The following PDK1 variants were observed in gnomAD, a reference collection of about 807,000 sequenced individuals.
PDK1 encodes the protein [Pyruvate dehydrogenase (acetyl-transferring)] kinase isozyme 1, mitochondrial.
In PDK1, 39 loss-of-function variants were observed where a neutral mutation model predicts 54.2. That is an observed-to-expected ratio of 0.72 (90% CI 0.56 to 0.94). PDK1 has a LOEUF of 0.94. Among genes scored for constraint, PDK1 ranks in the 40% least tolerant of loss-of-function variants. PDK1 has a pLI of 0.00. For synonymous variants in PDK1, 221 were observed against 207.1 expected (o/e 1.07, Z -0.58); for missense variants, 552 against 566.0 (o/e 0.98, Z 0.25).
the PDK1 span, among the ~76,000 whole-genome samples, chr2:172,721,387 C>T: frequency 4.6e-5 from 7 of 152,178 alleles, no homozygotes. Context: ...GTTGGCCAGG[C>T]TGGAGTGCAG....
chr2:172,646,966 A>T, the PDK1 span, among the ~76,000 whole-genome samples: 1 of 151,872 alleles, frequency 6.6e-6, no homozygotes, highest in East Asian at 1.9e-4. Context: ...GAAACTCCTG[A>T]CCTCAGGTGA....
At position 172,601,248 on chromosome 2, in the gene PDK1, A is replaced by G. The variant is rs967194874; in HGVS notation, c.*5279A>G. 2.0e-5 allele frequency: 3 copies of G among 152,214 alleles called. No homozygotes were observed. The allele number at this position is 152,214 out of a possible 1,614,324, so 9.4% of individuals were successfully genotyped here. On this transcript the variant is annotated 3_prime_UTR_variant, in exon 11 of 11. Coordinates refer to ENST00000282077, the MANE Select transcript of PDK1 (RefSeq NM_002610.5). ...AGTGCAAAACTAGCAAAAGGATGAA[A>G]TACACAAGAAAATGAGAGAATTTAA... is the stretch of plus-strand genomic sequence containing the variant.
At chr2:172,645,067 T>A in the PDK1 span, among the ~76,000 whole-genome samples, 1 of 151,944 alleles carries the variant, frequency 6.6e-6, no homozygotes. Context: ...ATGGTTAAAT[T>A]TTCAGGATTT....
At chr2:172,560,125 A>T (rs1558924656) in intron 2 of PDK1, among the ~76,000 whole-genome samples, 1 of 152,254 alleles carries the variant, frequency 6.6e-6, no homozygotes, top group African/African-American at 2.4e-5. Context: ...GATTATGGGC[A>T]TGAGCCATTG....
chr2:172,590,730 G>A (rs1400169876), intron 9 of PDK1, among the ~76,000 whole-genome samples: 2 of 151,946 alleles, frequency 1.3e-5, no homozygotes, highest in Non-Finnish European at 2.9e-5. Flanking sequence ...GGGGTGGCCA[G>A]CTTTTATTCC....
At chr2:172,579,704 CT>C (rs11303240) in intron 8 of PDK1, among the ~76,000 whole-genome samples, 28,767 of 145,386 alleles carry the variant, frequency 0.2, 3,498 homozygotes, top group African/African-American at 0.35. Context: ...GAGTTTTTAA[CT>C]TTTTTTTTTT....
chr2:172,593,742 G>A (rs1009973428), intron 10 of PDK1, among the ~76,000 whole-genome samples: 7 of 152,128 alleles, frequency 4.6e-5, no homozygotes, highest in African/African-American at 1.7e-4. Context: ...GAAGCACTTA[G>A]TCTGCTTGCC....
Position 172,596,074 on chromosome 2 carries a change from C to G in PDK1, c.*105C>G. The G allele has an allele frequency of 1.0e-6, 1 of 975,684 alleles. No homozygotes were observed. Among genetic ancestry groups the G allele is most frequent in the South Asian group, 2.2e-5 (1 of 44,836 alleles). The allele number at this position is 975,684 out of a possible 1,614,324, so 60.4% of individuals were successfully genotyped here. A position where few individuals can be genotyped will look rare whatever the true frequency, so the allele number is the denominator to read the frequency against. On this transcript the variant is annotated 3_prime_UTR_variant, in exon 11 of 11. Transcript: ENST00000282077. ...CCAAGTACTTTATTTATCGTTTTCA[C>G]AAAACTATTTGAGTAGAATAAATGG...
chr2:172,573,545 A>G (rs1051173591), intron 8 of PDK1, among the ~76,000 whole-genome samples: 2 of 151,456 alleles, frequency 1.3e-5, no homozygotes, highest in Non-Finnish European at 2.9e-5. Context: ...ATATACATAC[A>G]TATGTGTATA....
At chr2:172,708,667 A>AT in the PDK1 span, among the ~76,000 whole-genome samples, 9 of 152,176 alleles carry the variant, frequency 5.9e-5, no homozygotes, top group Non-Finnish European at 8.8e-5. Context: ...TGGACTTCAG[A>AT]TTTTTTTGAT....
the PDK1 span, among the ~76,000 whole-genome samples, chr2:172,629,210 G>A: frequency 6.6e-6 from 1 of 152,130 alleles, no homozygotes; most frequent in African/African-American, 2.4e-5. Context: ...GGTAGAAGAG[G>A]GTGGTCCCCA....
At chr2:172,590,601 C>T (rs534252335) in intron 9 of PDK1, among the ~76,000 whole-genome samples, 5 of 152,078 alleles carry the variant, frequency 3.3e-5, no homozygotes, top group Non-Finnish European at 7.4e-5. Flanking sequence ...GTGAGTGTTA[C>T]GGCTCATAAA....
chr2:172,561,600 T>C (rs1163466700), intron 2 of PDK1, among the ~76,000 whole-genome samples: 1 of 152,246 alleles, frequency 6.6e-6, no homozygotes, highest in South Asian at 2.1e-4. Context: ...AGAAAATCAT[T>C]TGGCCTTCTC....
At chr2:172,677,763 C>A in the PDK1 span, among the ~76,000 whole-genome samples, 1 of 152,202 alleles carries the variant, frequency 6.6e-6, no homozygotes, top group Non-Finnish European at 1.5e-5. Context: ...ATGAAAACAT[C>A]ACAGTGAAGT....
upstream of PDK1, chr2:172,556,062 C>T (rs1688296353): frequency 3.8e-6 from 4 of 1,046,080 alleles, no homozygotes; most frequent in South Asian, 2.4e-5. Context: ...ATCCCCGCCC[C>T]TGCTGCCCGC....
chr2:172,721,637 C>T, the PDK1 span, among the ~76,000 whole-genome samples: 1 of 152,116 alleles, frequency 6.6e-6, no homozygotes. Flanking sequence ...CGTGCCTGGC[C>T]CCCATTGTAT....
At chr2:172,700,768 G>A in the PDK1 span, among the ~76,000 whole-genome samples, 2 of 152,172 alleles carry the variant, frequency 1.3e-5, no homozygotes, top group East Asian at 1.9e-4. Context: ...TTGGGAGGCC[G>A]AGGCTGGCAG....
At chr2:172,688,006 G>T in the PDK1 span, among the ~76,000 whole-genome samples, 3 of 152,164 alleles carry the variant, frequency 2.0e-5, no homozygotes, top group Admixed American at 1.3e-4. Context: ...CCAGAATTGT[G>T]GGGACAAGAA....
At chr2:172,556,450 GC>G in intron 1 of PDK1, 104 bp downstream of exon 1, 1 of 774,840 alleles carries the variant, frequency 1.3e-6, no homozygotes, top group Non-Finnish European at 1.8e-6. Flanking sequence ...CGCCTGAGGC[GC>G]ACCCCTCCTC....
Sources: gnomAD v4.1 joint callset for allele counts (sites outside exome capture counted in the v4.1 genomes callset) on GRCh38, gnomAD v4.1.1 for gene constraint, MANE v1.5 for transcripts, NCBI Gene and HGNC (gene_info 2026-07-23, HGNC 2026-07-21) for gene names.